Variants in NT5C3B observed in about 807,000 individuals in gnomAD.
NT5C3B encodes 5'-nucleotidase, cytosolic IIIB.
In NT5C3B, 28 loss-of-function variants were observed where a neutral mutation model predicts 32.5. The ratio of observed to expected loss-of-function variants is 0.86; its 90% CI spans 0.64 to 1.18. The LOEUF (loss-of-function observed/expected upper bound fraction) is 1.18. NT5C3B is among the 50% of genes most tolerant of loss of function. The pLI is 0.00. For missense variants in NT5C3B, 317 were observed against 322.0 expected (o/e 0.98, Z 0.12); for synonymous variants, 138 against 118.0 (o/e 1.17, Z -1.10).
intron 4 of NT5C3B, 177 bp from the exon 5 acceptor site, chr17:41,832,654 G>A (rs1040897176): frequency 2.4e-5 from 11 of 452,436 alleles, no homozygotes; most frequent in Non-Finnish European, 4.5e-5. Flanking sequence ...GATCACTTGA[G>A]GTCAGGAGTT....
chr17:41,833,986 C>A (rs923522203), intron 4 of NT5C3B, among the ~76,000 whole-genome samples: 1 of 152,044 alleles, frequency 6.6e-6, no homozygotes, highest in African/African-American at 2.4e-5. Context: ...AAATGGAATC[C>A]CTGTCCATCT....
chr17:41,829,951 C>T (rs954385082), intron 6 of NT5C3B, among the ~76,000 whole-genome samples: 2 of 152,180 alleles, frequency 1.3e-5, no homozygotes, highest in African/African-American at 4.8e-5. Context: ...CACCCCGGCA[C>T]TTACTGGGTC....
rs143171878 is a variant in NT5C3B, at chr17:41,827,580, T to C, written c.614A>G (p.Lys205Arg). ...FKGQLIHTYN[K>R]NSSACENSGY... ...AGAGTTCTCACACGCAGAGCTGTTC[T>C]TGTTGTATGTGTGTATGAGCTGGCC... The change falls in exon 8 of 9, where the codon AAG (lysine) becomes AGG (arginine). Residue 205 changes from lysine to arginine, a missense_variant. Lys to Arg is a conservative substitution (Grantham distance 26). Coordinates refer to ENST00000435506, the MANE Select transcript of NT5C3B (RefSeq NM_052935.5). 1 of 867,914 alleles carries C rather than the reference T, an allele frequency of 1.2e-6. No homozygotes were observed. The highest frequency in any genetic ancestry group is 2.0e-6 in the Non-Finnish European group (1 of 497,174). 53.8% of individuals were successfully genotyped at this position (867,914 alleles called of 1,614,324 possible).
In NT5C3B at chr17:41,832,378, C is replaced by G; in HGVS notation, c.314+14G>C. The G allele has an allele frequency of 6.2e-7, 1 of 1,611,816 alleles. No homozygotes were observed. Among genetic ancestry groups the G allele is most frequent in the African/African-American group, 1.3e-5 (1 of 74,990 alleles). ...TCAAGGGCCCAGAAGCTTTTCTCCA[C>G]CACCATCACTCACCATTCCACCATA... is the stretch of plus-strand genomic sequence containing the variant. On this transcript the variant is annotated intron_variant, in intron 5 of 8. Transcript: ENST00000435506.
In NT5C3B at chr17:41,825,610, C is replaced by T; in HGVS notation, c.816G>A (p.Leu272=). 1.1e-6 allele frequency: 1 copy of T among 872,874 alleles called. No individual in the cohort carries two copies. Among genetic ancestry groups the T allele is most frequent in the South Asian group, 1.3e-5 (1 of 76,552 alleles). The allele number at this position is 872,874 out of a possible 1,614,324, so 54.1% of individuals were successfully genotyped here. ...CCACATCCAGAGTCTCGTCCTTCTC[C>T]AGCACGATGTCATAGGAGTCCATGT... ...ERYMDSYDIV[L]EKDETLDVVN... is the part of the protein sequence containing the mutation. The change falls in exon 9 of 9, where the codon CTG becomes CTA. Residue 272 remains leucine (L), a synonymous_variant. Coordinates refer to ENST00000435506, the MANE Select transcript of NT5C3B (RefSeq NM_052935.5).
At chr17:41,835,320 G>T in intron 2 of NT5C3B, 48 bp from the exon 3 acceptor site, 1 of 1,497,512 alleles carries the variant, frequency 6.7e-7, no homozygotes, top group Non-Finnish European at 9.3e-7. Context: ...CAGAATTCTA[G>T]TGTGGCCCTG....
rs782598728 is a variant in NT5C3B, at chr17:41,832,431, T to C, written c.275A>G (p.His92Arg). Residue 92 changes from histidine to arginine, a missense_variant, in exon 5 of 9, where the codon CAC becomes CGC. Physicochemically the swap from His to Arg is conservative, Grantham distance 29. Transcript: ENST00000435506. ...HHYYPIEIDP[H>R]RTVKEKLPHM... ...AGGTAGCTTCTCCTTGACGGTCCGG[T>C]GTGGGTCGATCTCAATTGGGTAATA... 1.9e-6 allele frequency: 3 copies of C among 1,613,582 alleles called. No individual in the cohort carries two copies. Among genetic ancestry groups the C allele is most frequent in the Non-Finnish European group, 2.5e-6 (3 of 1,179,804 alleles).
chr17:41,830,622 G>C (rs1190586949), intron 6 of NT5C3B, among the ~76,000 whole-genome samples, 179 bp downstream of exon 6: 1 of 152,170 alleles, frequency 6.6e-6, no homozygotes, highest in African/African-American at 2.4e-5. Flanking sequence ...ACTACCTGCT[G>C]AATGTTTCCT....
chr17:41,829,656 C>A (rs1487821938), intron 6 of NT5C3B, among the ~76,000 whole-genome samples: 2 of 152,122 alleles, frequency 1.3e-5, no homozygotes, highest in Non-Finnish European at 2.9e-5. Context: ...TGAGTTTATC[C>A]TTTGTCACTG....
rs763332476 is a variant in NT5C3B at position 41,830,009 on chromosome 17, A to G, written c.404+792T>C. Among the ~76,000 whole-genome samples, 18 of 152,224 alleles carry G rather than the reference A, an allele frequency of 1.2e-4. 1 individual carries two copies. The highest frequency in any genetic ancestry group is 7.2e-5 in the African/African-American group (3 of 41,556). ...TTTCAGGAGCTAGCCAATCTCCCCA[A>G]TTAGGATGCACAACCCTTGAGGGCA... On this transcript the variant is annotated intron_variant, in intron 6 of 8. Coordinates refer to ENST00000435506, the MANE Select transcript of NT5C3B (RefSeq NM_052935.5).
intron 7 of NT5C3B, chr17:41,828,331 GT>G: frequency 6.4e-6 from 1 of 155,968 alleles, no homozygotes; most frequent in Non-Finnish European, 1.4e-5. Context: ...TCCTTTGAAA[GT>G]TTTTTTGTTT....
At chr17:41,832,177 C>A (rs374396417) in intron 5 of NT5C3B, among the ~76,000 whole-genome samples, 1 of 152,164 alleles carries the variant, frequency 6.6e-6, no homozygotes, top group East Asian at 1.9e-4. Flanking sequence ...TAACTTATTC[C>A]AAGGATTCTC....
intron 4 of NT5C3B, among the ~76,000 whole-genome samples, chr17:41,833,330 T>C (rs1330211235): frequency 1.6e-5 from 1 of 63,766 alleles, no homozygotes; most frequent in Non-Finnish European, 3.3e-5. Flanking sequence ...AATTTTTTTT[T>C]TTTTTGAGAC....
chr17:41,830,195 AGTCTTT>A (rs1172663497), intron 6 of NT5C3B, among the ~76,000 whole-genome samples: 1 of 152,146 alleles, frequency 6.6e-6, no homozygotes, highest in Admixed American at 6.5e-5. Flanking sequence ...AGACCCCAAA[AGTCTTT>A]TACCATTGTG....
rs2047980030 is a variant in NT5C3B at position 41,827,122 on chromosome 17, T to C, written c.768+304A>G. On this transcript the variant is annotated intron_variant, in intron 8 of 8. Coordinates refer to ENST00000435506, the MANE Select transcript of NT5C3B (RefSeq NM_052935.5). Reference sequence around the variant, plus strand: ...GAGATTGAGACCATCCTGGCTAACATGGTGAAACCCCGTCTCTACTAAAAA... The same window carrying C: ...GAGATTGAGACCATCCTGGCTAACACGGTGAAACCCCGTCTCTACTAAAAA... Among the ~76,000 whole-genome samples, 4 of 151,320 alleles carry C rather than the reference T, an allele frequency of 2.6e-5. 1 individual carries two copies. In the South Asian group the frequency reaches 6.3e-4, roughly 24 times the overall value.
At chr17:41,835,755 G>T in intron 2 of NT5C3B, 104 bp downstream of exon 2, 1 of 1,175,346 alleles carries the variant, frequency 8.5e-7, no homozygotes, top group Non-Finnish European at 1.2e-6. Context: ...TTGGGGCAGA[G>T]AGCTAGGAGG....
In NT5C3B at chr17:41,830,820, C is replaced by G. The variant is rs1424031875; in HGVS notation, c.385G>C (p.Glu129Gln). Residue 129 changes from glutamate to glutamine, a missense_variant, in exon 6 of 9, where the codon GAG becomes CAG. By Grantham distance (29) the Glu-to-Gln change is conservative. Transcript: ENST00000435506. Reference protein sequence around the residue: ...QKFQIAQVVRESNAMLREGYK... With the variant: ...QKFQIAQVVRQSNAMLREGYK... ...GCTTACCTGAGCATTGCATTGGACT[C>G]TCTAACCACCTGGGCTATCTGAAAC... 6 of 1,609,374 alleles carry G rather than the reference C, an allele frequency of 3.7e-6. No individual in the cohort carries two copies. Among genetic ancestry groups the G allele is most frequent in the Non-Finnish European group, 5.1e-6 (6 of 1,175,854 alleles).
At chr17:41,828,730 T>G in intron 7 of NT5C3B, 60 bp downstream of exon 7, 1 of 1,488,938 alleles carries the variant, frequency 6.7e-7, no homozygotes, top group Non-Finnish European at 9.3e-7. Context: ...CAGAGTTAAC[T>G]GCCCTGGCTG....
intron 2 of NT5C3B, 107 bp from the exon 3 acceptor site, chr17:41,835,379 G>T (rs980957654): frequency 2.2e-6 from 2 of 929,086 alleles, no homozygotes; most frequent in Non-Finnish European, 3.5e-6. Context: ...CAGTGGCCAG[G>T]ATGTAGGCAA....
Sources: allele counts gnomAD v4.1 joint callset (sites outside exome capture counted in the v4.1 genomes callset), GRCh38; gene constraint gnomAD v4.1.1; transcripts MANE v1.5; gene names NCBI Gene and HGNC (gene_info 2026-07-23, HGNC 2026-07-21).